The following TENM3 variants were observed in gnomAD, a reference collection of about 807,000 sequenced individuals.
TENM3 encodes teneurin-3.
A neutral mutation model predicts 255.1 loss-of-function variants in TENM3; 63 were observed. The ratio of observed to expected loss-of-function variants is 0.25; its 90% confidence interval spans 0.20 to 0.30. The LOEUF (loss-of-function observed/expected upper bound fraction) is 0.30. Among genes scored for constraint, TENM3 ranks in the 10% least tolerant of loss-of-function variants. The pLI, the probability that TENM3 is intolerant of heterozygous loss-of-function variation, is 1.00. For synonymous variants in TENM3, 1,306 were observed against 1,322.3 expected, an observed-to-expected ratio of 0.99 and a Z score of 0.27; for missense variants, 2,929 against 3,461.1, an observed-to-expected ratio of 0.85 and a Z score of 3.86.
chr4:182,762,494 T>C (rs1763285419), intron 22 of TENM3, among the ~76,000 whole-genome samples: 1 of 152,234 alleles, frequency 6.6e-6, no homozygotes, highest in Admixed American at 6.5e-5. Context: ...AAGAGAACTT[T>C]TCATGTTTTA....
chr4:182,098,847 A>G, the TENM3 span, among the ~76,000 whole-genome samples: 1 of 152,192 alleles, frequency 6.6e-6, no homozygotes, highest in East Asian at 1.9e-4. Flanking sequence ...ACACCAAAAA[A>G]TGATAAATAA....
intron 3 of TENM3, among the ~76,000 whole-genome samples, chr4:182,599,931 G>C (rs1228772791): frequency 6.6e-6 from 1 of 152,138 alleles, no homozygotes; most frequent in Non-Finnish European, 1.5e-5. Context: ...TGTAGTCTTC[G>C]TAAATTCTAG....
chr4:182,549,389 A>G (rs1424333179), intron 3 of TENM3, among the ~76,000 whole-genome samples: 2 of 152,220 alleles, frequency 1.3e-5, no homozygotes, highest in African/African-American at 4.8e-5. Flanking sequence ...GATGAAGTCT[A>G]TAATAGCATA....
chr4:182,468,307 A>G (rs751960481), intron 3 of TENM3, among the ~76,000 whole-genome samples: 1 of 152,150 alleles, frequency 6.6e-6, no homozygotes, highest in Non-Finnish European at 1.5e-5. Context: ...GATGCTCCGT[A>G]TATTTGACAG....
intron 24 of TENM3, among the ~76,000 whole-genome samples, chr4:182,785,433 C>T (rs546512980): frequency 9.9e-5 from 15 of 151,844 alleles, no homozygotes; most frequent in South Asian, 6.2e-4. Flanking sequence ...GAAGACCAGA[C>T]GCAGTGGTTT....
intron 3 of TENM3, among the ~76,000 whole-genome samples, chr4:182,474,228 C>T (rs796414953): frequency 5.9e-5 from 9 of 152,112 alleles, no homozygotes; most frequent in Admixed American, 6.6e-5. Flanking sequence ...ATTATAGATA[C>T]CATGGCTTGA....
At chr4:181,528,791 C>T in the TENM3 span, among the ~76,000 whole-genome samples, 1 of 152,172 alleles carries the variant, frequency 6.6e-6, no homozygotes, top group Non-Finnish European at 1.5e-5. Context: ...AGTGTGCATA[C>T]ACGCTGCTCA....
chr4:182,267,811 C>T (rs990688423), intron 1 of TENM3, among the ~76,000 whole-genome samples: 1 of 151,808 alleles, frequency 6.6e-6, no homozygotes, highest in South Asian at 2.1e-4. Flanking sequence ...TCAGTCTTAC[C>T]ATGATTTGTC....
chr4:181,465,182 G>GA, the TENM3 span, among the ~76,000 whole-genome samples: 2 of 149,768 alleles, frequency 1.3e-5, no homozygotes, highest in African/African-American at 4.9e-5. Flanking sequence ...ATTTTTGAAA[G>GA]AAAAAAAATT....
chr4:182,361,094 G>T (rs1181346005), intron 3 of TENM3, among the ~76,000 whole-genome samples: 1 of 152,154 alleles, frequency 6.6e-6, no homozygotes, highest in Non-Finnish European at 1.5e-5. Context: ...GAGATCCGCT[G>T]TTAGTCTGAT....
intron 1 of TENM3, among the ~76,000 whole-genome samples, chr4:182,229,863 C>T (rs1418950795): frequency 6.6e-6 from 1 of 152,008 alleles, no homozygotes; most frequent in Non-Finnish European, 1.5e-5. Context: ...AAGAATGTTT[C>T]CAATTCTAAA....
At chr4:181,608,008 C>A in the TENM3 span, among the ~76,000 whole-genome samples, 1 of 152,152 alleles carries the variant, frequency 6.6e-6, no homozygotes, top group Non-Finnish European at 1.5e-5. Context: ...TATTTTGCTG[C>A]ATAAAAATTA....
chr4:182,468,818 G>A (rs13136599), intron 3 of TENM3, among the ~76,000 whole-genome samples: 40,523 of 126,502 alleles, frequency 0.32, 6,880 homozygotes, highest in East Asian at 0.53. Flanking sequence ...AAAAAATCCT[G>A]TGTGCTTGTG....
chr4:181,981,405 G>A, the TENM3 span, among the ~76,000 whole-genome samples: 1 of 152,108 alleles, frequency 6.6e-6, no homozygotes, highest in African/African-American at 2.4e-5. Context: ...TTTTTTAAAT[G>A]TAACAGGTAT....
At chr4:182,007,164 G>C in the TENM3 span, among the ~76,000 whole-genome samples, 1 of 152,132 alleles carries the variant, frequency 6.6e-6, no homozygotes, top group South Asian at 2.1e-4. Flanking sequence ...GTTGATTTTA[G>C]AATAAGTGCC....
the TENM3 span, among the ~76,000 whole-genome samples, chr4:181,916,179 T>G: frequency 1.3e-5 from 2 of 149,792 alleles, no homozygotes; most frequent in Non-Finnish European, 3.0e-5. Flanking sequence ...CTCTCAAATC[T>G]CAACATACAC....
intron 1 of TENM3, among the ~76,000 whole-genome samples, chr4:182,194,882 G>T (rs2149801073): frequency 6.6e-6 from 1 of 152,198 alleles, no homozygotes; most frequent in East Asian, 1.9e-4. Context: ...AGGTTAGACT[G>T]GCTATGCATG....
chr4:181,685,755 C>T, the TENM3 span, among the ~76,000 whole-genome samples: 1 of 152,142 alleles, frequency 6.6e-6, no homozygotes, highest in South Asian at 2.1e-4. Flanking sequence ...CTTATGTCCC[C>T]TTGATAGCTA....
At chr4:181,951,037 A>G in the TENM3 span, among the ~76,000 whole-genome samples, 78,416 of 152,044 alleles carry the variant, frequency 0.52, 20,722 homozygotes, top group Non-Finnish European at 0.56. Context: ...GCAAGATCAT[A>G]TCTCAGAAAA....
Sources: gnomAD v4.1 joint callset for allele counts (sites outside exome capture counted in the v4.1 genomes callset) on GRCh38, gnomAD v4.1.1 for gene constraint, MANE v1.5 for transcripts, NCBI Gene and HGNC (gene_info 2026-07-23, HGNC 2026-07-21) for gene names.